The following PSME4 variants were observed in gnomAD, a reference collection of about 807,000 sequenced individuals.
PSME4 encodes the protein proteasome activator subunit 4.
PSME4 carries 89 observed loss-of-function variants against 253.9 expected under a neutral mutation model. The observed-to-expected ratio is 0.35, with a 90% CI of 0.30 to 0.42. The LOEUF (loss-of-function observed/expected upper bound fraction) is 0.42, where lower values mean the gene tolerates loss of function less well. Among genes scored for constraint, PSME4 ranks in the 10% least tolerant of loss-of-function variants. The probability of loss-of-function intolerance (pLI) is 1.00; values close to 1 mark genes in which losing one functional copy is unlikely to be tolerated. For missense variants in PSME4, 2,014 were observed against 2,195.2 expected, an observed-to-expected ratio of 0.92 and a Z score of 1.65; for synonymous variants, 851 against 759.2, an observed-to-expected ratio of 1.12 and a Z score of -1.99.
chr2:53,932,208 A>C (rs550361616), intron 9 of PSME4, 108 bp from the exon 10 acceptor site: 140 of 1,003,216 alleles, frequency 1.4e-4, no homozygotes, highest in Non-Finnish European at 1.9e-4. Flanking sequence ...AACAGTTCTT[A>C]TTATCTTATT....
intron 1 of PSME4, among the ~76,000 whole-genome samples, chr2:53,950,841 CAAA>C (rs77155080): frequency 8.4e-5 from 6 of 71,390 alleles, no homozygotes; most frequent in Admixed American, 1.5e-4. Flanking sequence ...AACTCCGTCT[CAAA>C]AAAAAAAAAA....
At chr2:53,868,356 G>A (rs924741942) in intron 44 of PSME4, among the ~76,000 whole-genome samples, 1 of 150,898 alleles carries the variant, frequency 6.6e-6, no homozygotes, top group African/African-American at 2.4e-5. Context: ...GCTAACAGGG[G>A]CATGAGAATC....
chr2:53,922,547 T>C lies in PSME4; in HGVS notation c.2016A>G (p.Glu672=). 2 of 1,612,988 alleles carry C rather than the reference T, an allele frequency of 1.2e-6. No homozygotes were observed. Among genetic ancestry groups the C allele is most frequent in the Middle Eastern group, 1.7e-4 (1 of 6,054 alleles). The change falls in exon 17 of 47, where the codon GAA becomes GAG. Residue 672 remains glutamate, a synonymous_variant. Transcript: ENST00000404125. ...DVLNDEELDK[E]LLWNLQLLSE... is the part of the protein sequence containing the mutation. ...ACAAAAGTTGAAGATTCCATAGTAA[T>C]TCCTTGTCTAGCTCTTCATCATTTA...
chr2:53,905,034 A>G (rs910057080), intron 26 of PSME4, among the ~76,000 whole-genome samples: 8 of 145,236 alleles, frequency 5.5e-5, no homozygotes, highest in African/African-American at 2.0e-4. Context: ...TGTTGCTTTT[A>G]CTATAACCAG....
At position 53,901,529 on chromosome 2, in the gene PSME4, T is replaced by G; in HGVS notation, c.3106A>C (p.Ser1036Arg). Residue 1036 changes from serine to arginine, a missense_variant, in exon 28 of 47, where the codon AGT becomes CGT. Ser to Arg is a moderately radical substitution (Grantham distance 110). Transcript: ENST00000404125. ...GALYCLLGNH[S>R]GVCLANLHDW... The stretch of plus-strand genomic sequence containing the variant: ...TGAAGGTTTGCCAAGCACACACCAC[T>G]GTGATTTCCAAGGAGACAGTACAAG... 1 of 1,612,894 alleles carries G rather than the reference T, an allele frequency of 6.2e-7. No homozygotes were observed. Among genetic ancestry groups the G allele is most frequent in the Non-Finnish European group, 8.5e-7 (1 of 1,179,116 alleles).
rs1410301279 is a variant in PSME4, at chr2:53,970,830, C to A, written c.-46G>T. ...CACCCCCTCCCACCCGAACCCTCCC[C>A]GGCCCCCACCCCTCTCCGGGCTCCG... is the stretch of plus-strand genomic sequence containing the variant. On this transcript the variant is annotated 5_prime_UTR_variant, in exon 1 of 47. Coordinates refer to ENST00000404125, the MANE Select transcript of PSME4 (RefSeq NM_014614.3). The A allele has an allele frequency of 6.4e-6, 9 of 1,403,336 alleles. No individual in the cohort carries two copies. The highest frequency in any genetic ancestry group is 8.4e-6 in the Non-Finnish European group (9 of 1,066,254). The allele number at this position is 1,403,336 out of a possible 1,614,324, so 86.9% of individuals were successfully genotyped here. A position where few individuals can be genotyped will look rare whatever the true frequency, so the allele number is the denominator to read the frequency against.
chr2:53,897,338 T>A (rs369128027), intron 31 of PSME4, among the ~76,000 whole-genome samples: 1 of 152,108 alleles, frequency 6.6e-6, no homozygotes, highest in East Asian at 1.9e-4. Context: ...CCCAGCTAAT[T>A]TTGTACTTCT....
chr2:53,931,877 G>C lies in PSME4; in HGVS notation c.1274C>G (p.Ala425Gly). 1 of 1,614,212 alleles carries C rather than the reference G, an allele frequency of 6.2e-7. No individual in the cohort carries two copies. The highest frequency in any genetic ancestry group is 8.5e-7 in the Non-Finnish European group (1 of 1,180,038). Residue 425 changes from alanine (A) to glycine (G), a missense_variant, in exon 10 of 47, where the codon GCA (alanine) becomes GGA (glycine). By Grantham distance (60) the Ala-to-Gly change is moderately conservative (BLOSUM62 0). Transcript: ENST00000404125. ...LEAAQALQNL[A>G]LMRPELVIPP... Reference sequence around the variant, plus strand: ...TATTACCAATTCAGGTCTCATGAGTGCAAGATTCTGCAAAGCCTGGGCTGC... The same window carrying C: ...TATTACCAATTCAGGTCTCATGAGTCCAAGATTCTGCAAAGCCTGGGCTGC...
intron 43 of PSME4, among the ~76,000 whole-genome samples, chr2:53,871,657 C>T (rs1678883183): frequency 1.3e-5 from 2 of 152,208 alleles, no homozygotes; most frequent in African/African-American, 4.8e-5. Flanking sequence ...GTCATCTCTG[C>T]TCCTATTACG....
chr2:53,900,002 C>G lies in PSME4; in HGVS notation c.3301G>C (p.Val1101Leu), dbSNP rs1460550343. The change falls in exon 29 of 47, where the codon GTT (valine) becomes CTT (leucine). Residue 1101 changes from valine (V) to leucine (L), a missense_variant. Physicochemically the swap from Val to Leu is conservative, Grantham distance 32. Transcript: ENST00000404125. ...GLDFTIPKSC[V>L]EIAELLQQSK... Reference sequence around the variant, plus strand: ...TGTTGAAGTAATTCCGCTATTTCAACACATGACTTTGGAATCTTGTTAAAA... The same window carrying G: ...TGTTGAAGTAATTCCGCTATTTCAAGACATGACTTTGGAATCTTGTTAAAA... The G allele has an allele frequency of 1.2e-6, 2 of 1,612,624 alleles. No individual in the cohort carries two copies. The highest frequency in any genetic ancestry group is 2.7e-5 in the African/African-American group (2 of 74,698).
intron 41 of PSME4, among the ~76,000 whole-genome samples, chr2:53,879,902 T>G (rs1310544089): frequency 6.6e-6 from 1 of 151,966 alleles, no homozygotes; most frequent in African/African-American, 2.4e-5. Flanking sequence ...ATCCCTGGCA[T>G]GTGACCAAAA....
At chr2:53,889,615 T>C (rs1381194548) in intron 37 of PSME4, among the ~76,000 whole-genome samples, 1 of 152,230 alleles carries the variant, frequency 6.6e-6, no homozygotes, top group African/African-American at 2.4e-5. Flanking sequence ...AATGTGACTA[T>C]CGCAGTTCAA....
At chr2:53,923,932 A>C (rs1668447251) in intron 14 of PSME4, among the ~76,000 whole-genome samples, 1 of 90,024 alleles carries the variant, frequency 1.1e-5, no homozygotes, top group African/African-American at 3.3e-5. Flanking sequence ...AAAAAAAAAA[A>C]AAAAAAAAAA....
At chr2:53,905,532 C>A (rs547779569) in intron 26 of PSME4, among the ~76,000 whole-genome samples, 2 of 152,100 alleles carry the variant, frequency 1.3e-5, no homozygotes, top group Non-Finnish European at 2.9e-5. Context: ...GAGACCTTAT[C>A]TCTATTAAAA....
chr2:53,867,812 T>A (rs1678645391), intron 44 of PSME4, among the ~76,000 whole-genome samples: 1 of 152,002 alleles, frequency 6.6e-6, no homozygotes, highest in Non-Finnish European at 1.5e-5. Flanking sequence ...TTTCTGGATG[T>A]GACGCCCCTA....
intron 41 of PSME4, chr2:53,881,452 T>G (rs2104418728): frequency 6.6e-6 from 1 of 152,324 alleles, no homozygotes; most frequent in African/African-American, 2.4e-5. Flanking sequence ...AGTATGTACT[T>G]TACCACTGTG....
At chr2:53,938,525 G>C (rs1184995850) in intron 4 of PSME4, among the ~76,000 whole-genome samples, 1 of 149,812 alleles carries the variant, frequency 6.7e-6, no homozygotes, top group African/African-American at 2.5e-5. Context: ...TCCTAGGCTG[G>C]ACCCAAACTC....
chr2:53,922,131 C>A lies in PSME4; in HGVS notation c.2046+386G>T, dbSNP rs151207721. Among the ~76,000 whole-genome samples, 277 of 152,138 alleles carry A rather than the reference C, an allele frequency of 1.8e-3. 9 individuals are homozygous for A. In the East Asian group the frequency reaches 0.045, roughly 24 times the overall value. ...AGTTTGCAGTGAGCCGAGATTGCAC[C>A]ACTGCACTCCAGCGTGGGCGATAGT... On this transcript the variant is annotated intron_variant, in intron 17 of 46. Transcript: ENST00000404125.
chr2:53,886,072 G>A (rs1193733386), intron 40 of PSME4, among the ~76,000 whole-genome samples: 1 of 152,128 alleles, frequency 6.6e-6, no homozygotes, highest in East Asian at 1.9e-4. Context: ...ATTGATATTA[G>A]AATAAATAAA....
Sources: gnomAD v4.1 joint callset for allele counts (sites outside exome capture counted in the v4.1 genomes callset) on GRCh38, gnomAD v4.1.1 for gene constraint, MANE v1.5 for transcripts, NCBI Gene and HGNC (gene_info 2026-07-23, HGNC 2026-07-21) for gene names.